Variants in LMNTD1 observed in about 807,000 individuals in gnomAD.
The protein encoded by LMNTD1 is lamin tail domain-containing protein 1.
In LMNTD1, 35 loss-of-function variants were observed where a neutral mutation model predicts 50.9. The ratio of observed to expected loss-of-function variants is 0.69; its 90% CI spans 0.53 to 0.91. The LOEUF (loss-of-function observed/expected upper bound fraction) is 0.91, where lower values mean the gene tolerates loss of function less well. LMNTD1 is among the 40% of genes least tolerant of loss of function. The pLI, the probability that LMNTD1 is intolerant of heterozygous loss-of-function variation, is 0.00. For missense variants in LMNTD1, 470 were observed against 475.5 expected (o/e 0.99, Z 0.11); for synonymous variants, 153 against 161.9 (o/e 0.94, Z 0.42).
In LMNTD1 at chr12:25,506,863, A is replaced by T. The variant is rs141767787; in HGVS notation, c.1190-3063T>A. Among the ~76,000 whole-genome samples, 556 of 152,068 alleles carry T rather than the reference A, an allele frequency of 3.7e-3. 4 individuals are homozygous for T. The highest frequency in any genetic ancestry group is 0.013 in the African/African-American group (540 of 41,470). ...CAGATTTAATCATTAATATTTGCCA[A>T]ATTTGCATTATCTTATTTATTTATT... On this transcript the variant is annotated intron_variant, in intron 8 of 9. Coordinates refer to ENST00000458174, the MANE Select transcript of LMNTD1 (RefSeq NM_001145728.2).
chr12:25,550,141 T>G (rs1401081251), intron 2 of LMNTD1, among the ~76,000 whole-genome samples: 2 of 152,140 alleles, frequency 1.3e-5, no homozygotes, highest in African/African-American at 4.8e-5. Context: ...AATGACAGAA[T>G]AGAGGGAGAA....
chr12:25,477,171 A>G (rs752936501), intron 9 of LMNTD1, among the ~76,000 whole-genome samples: 2 of 152,172 alleles, frequency 1.3e-5, no homozygotes, highest in African/African-American at 2.4e-5. Flanking sequence ...GAACTATTAC[A>G]TTATTATTAT....
chr12:25,543,357 C>T (rs968652994), intron 4 of LMNTD1, among the ~76,000 whole-genome samples: 2 of 151,848 alleles, frequency 1.3e-5, no homozygotes, highest in Admixed American at 6.6e-5. Context: ...AACATTGATG[C>T]AAAAGTTTGA....
intron 9 of LMNTD1, among the ~76,000 whole-genome samples, chr12:25,488,102 T>C (rs1043834162): frequency 2.1e-4 from 31 of 148,230 alleles, no homozygotes; most frequent in Non-Finnish European, 6.0e-5. Flanking sequence ...AATCTGACAA[T>C]TGTGTGTCTT....
At chr12:25,528,507 C>T (rs1164121652) in intron 4 of LMNTD1, among the ~76,000 whole-genome samples, 1 of 152,232 alleles carries the variant, frequency 6.6e-6, no homozygotes, top group Admixed American at 6.5e-5. Context: ...CACCTGGGCC[C>T]TTGCTGATTG....
At chr12:25,565,266 T>C (rs1944509458) in intron 1 of LMNTD1, among the ~76,000 whole-genome samples, 2 of 152,124 alleles carry the variant, frequency 1.3e-5, no homozygotes, top group Non-Finnish European at 2.9e-5. Context: ...CTTTCTTTTC[T>C]TTCTGTCTTC....
chr12:25,561,207 C>T (rs962913730), intron 1 of LMNTD1, among the ~76,000 whole-genome samples: 1 of 152,098 alleles, frequency 6.6e-6, no homozygotes, highest in African/African-American at 2.4e-5. Flanking sequence ...TTTGCTCTTG[C>T]TTCTCTAGTT....
intron 9 of LMNTD1, among the ~76,000 whole-genome samples, chr12:25,486,234 T>G (rs1267402238): frequency 7.4e-6 from 1 of 134,762 alleles, no homozygotes; most frequent in Non-Finnish European, 1.6e-5. Flanking sequence ...CCCTTGTAAG[T>G]TGGATTCCTA....
At chr12:25,544,360 A>G (rs1307394875) in intron 4 of LMNTD1, among the ~76,000 whole-genome samples, 2 of 57,410 alleles carry the variant, frequency 3.5e-5, no homozygotes, top group Admixed American at 2.1e-4. Flanking sequence ...TTTGTAGTCT[A>G]TTTTATCTAA....
At chr12:25,539,721 A>T (rs1942905884) in intron 4 of LMNTD1, among the ~76,000 whole-genome samples, 1 of 142,812 alleles carries the variant, frequency 7.0e-6, no homozygotes, top group South Asian at 2.3e-4. Flanking sequence ...AAATAACTAA[A>T]ATCAGAGCAG....
intron 1 of LMNTD1, among the ~76,000 whole-genome samples, chr12:25,572,519 A>G (rs1944837423): frequency 6.6e-6 from 1 of 152,206 alleles, no homozygotes; most frequent in South Asian, 2.1e-4. Flanking sequence ...AAGACCATAT[A>G]CAGATAATAC....
intron 3 of LMNTD1, among the ~76,000 whole-genome samples, chr12:25,547,636 G>T (rs575656833): frequency 1.3e-5 from 2 of 149,902 alleles, no homozygotes; most frequent in Admixed American, 6.7e-5. Flanking sequence ...ATTTTGCTGA[G>T]AAAAAAAAAG....
intron 8 of LMNTD1, among the ~76,000 whole-genome samples, chr12:25,517,767 A>AAAAAG (rs71065949): frequency 0.093 from 13,620 of 146,900 alleles, 1,148 homozygotes; most frequent in African/African-American, 0.21. Context: ...TAAGCAGGAA[A>AAAAAG]AAAGAAAAAG....
intron 8 of LMNTD1, among the ~76,000 whole-genome samples, chr12:25,512,292 G>T (rs564012993): frequency 6.6e-6 from 1 of 152,220 alleles, no homozygotes; most frequent in African/African-American, 2.4e-5. Flanking sequence ...GCATTAAGCA[G>T]CAAAAAACGA....
In LMNTD1 at chr12:25,526,176, C is replaced by G. The variant is rs1941693640; in HGVS notation, c.721G>C (p.Asp241His). ...ASEAKHQPPS[D>H]FLWKEQDKFR... ...TTGTCTTGTTCCTTCCAAAGAAAAT[C>G]TGATGGAGGTTGATGCTTTGCTTCA... Residue 241 changes from aspartate to histidine, a missense_variant, in exon 6 of 10, where the codon GAT (aspartate) becomes CAT (histidine). Asp to His is a moderately conservative substitution (Grantham distance 81, BLOSUM62 -1). Coordinates refer to ENST00000458174, the MANE Select transcript of LMNTD1 (RefSeq NM_001145728.2). The G allele has an allele frequency of 2.5e-6, 4 of 1,611,042 alleles. No individual in the cohort carries two copies. Among genetic ancestry groups the G allele is most frequent in the Non-Finnish European group, 3.4e-6 (4 of 1,178,342 alleles).
intron 1 of LMNTD1, among the ~76,000 whole-genome samples, chr12:25,609,861 C>G (rs1195936827): frequency 1.3e-5 from 2 of 152,204 alleles, no homozygotes; most frequent in Non-Finnish European, 2.9e-5. Flanking sequence ...CTGGGAGAAC[C>G]ACTGCTCTCT....
rs147743558 is a variant in LMNTD1, at chr12:25,575,796, G to A, written c.59-29242C>T. ...GTTGGTGTGCTGCACCCATTAACTC[G>A]TCACTTCCATTAGGTATATCTCCTA... On this transcript the variant is annotated intron_variant, in intron 1 of 7. Coordinates refer to the LMNTD1 transcript ENST00000445693. Among the ~76,000 whole-genome samples the A allele has an allele frequency of 4.7e-3, 715 of 151,984 alleles. 6 individuals are homozygous for A. Among genetic ancestry groups the A allele is most frequent in the African/African-American group, 0.015 (640 of 41,438 alleles).
intron 1 of LMNTD1, among the ~76,000 whole-genome samples, chr12:25,588,873 A>G (rs1371189612): frequency 1.3e-5 from 2 of 149,654 alleles, no homozygotes; most frequent in Non-Finnish European, 3.0e-5. Context: ...TTCATTAAAT[A>G]TAAGAAATAT....
chr12:25,526,045 C>T, intron 6 of LMNTD1, 54 bp downstream of exon 6: 1 of 1,425,288 alleles, frequency 7.0e-7, no homozygotes. Context: ...CAGATATGCT[C>T]AATAAGCACA....
Sources: allele counts gnomAD v4.1 joint callset (sites outside exome capture counted in the v4.1 genomes callset), GRCh38; gene constraint gnomAD v4.1.1; transcripts MANE v1.5; gene names NCBI Gene and HGNC (gene_info 2026-07-23, HGNC 2026-07-21).